HMCN2: variants seen among roughly 807,000 people sequenced by gnomAD.
The protein encoded by HMCN2 is hemicentin 2.
HMCN2 carries 325 observed loss-of-function variants against 377.5 expected under a neutral mutation model. The observed-to-expected ratio is 0.86, with a 90% CI of 0.79 to 0.94. The LOEUF (loss-of-function observed/expected upper bound fraction) is 0.94, where lower values mean the gene tolerates loss of function less well. Among genes scored for constraint, HMCN2 ranks in the 40% least tolerant of loss-of-function variants. The pLI, the probability that HMCN2 is intolerant of heterozygous loss-of-function variation, is 0.00. For missense variants in HMCN2, 4,543 were observed against 4,725.3 expected, an observed-to-expected ratio of 0.96 and a Z score of 1.13; for synonymous variants, 2,007 against 2,046.8, an observed-to-expected ratio of 0.98 and a Z score of 0.53.
At chr9:130,279,520 G>T (rs1241386332) in intron 1 of HMCN2, among the ~76,000 whole-genome samples, 3 of 151,690 alleles carry the variant, frequency 2.0e-5, no homozygotes, top group African/African-American at 7.3e-5. Context: ...GCCCAGCTAA[G>T]TTTTGTGTTT....
At chr9:130,387,953 C>T (rs1470233854) in intron 61 of HMCN2, among the ~76,000 whole-genome samples, 1 of 152,222 alleles carries the variant, frequency 6.6e-6, no homozygotes, top group African/African-American at 2.4e-5. Context: ...GGGACTGACA[C>T]CAGGCTTGCT....
chr9:130,416,108 T>A lies in HMCN2; in HGVS notation c.12962-2664T>A, dbSNP rs4066011. Among the ~76,000 whole-genome samples, 448 of 74,974 alleles carry A rather than the reference T, an allele frequency of 6.0e-3. 4 individuals carry two copies. Among genetic ancestry groups the A allele is most frequent in the Middle Eastern group, 0.036 (4 of 112 alleles). The allele number at this position is 74,974 out of a possible 152,430, so 49.2% of individuals were successfully genotyped here. A position where few individuals can be genotyped will look rare whatever the true frequency, so the allele number is the denominator to read the frequency against. Reference sequence around the variant, plus strand: ...AAAGTTCTAGAGGCTTTATTTTTTTTTTTTTTTTTTTTTGGAGACAGAGTC... The same window carrying A: ...AAAGTTCTAGAGGCTTTATTTTTTTATTTTTTTTTTTTTGGAGACAGAGTC... On this transcript the variant is annotated intron_variant, in intron 85 of 97. Transcript: ENST00000683500.
intron 45 of HMCN2, 140 bp from the exon 46 acceptor site, chr9:130,370,824 G>A (rs1840981629): frequency 1.0e-5 from 4 of 390,998 alleles, no homozygotes; most frequent in Non-Finnish European, 1.4e-5. Context: ...TTTAGGGGGA[G>A]CAGCTCTGCT....
intron 34 of HMCN2, 100 bp from the exon 35 acceptor site, chr9:130,357,734 A>T (rs2131550719): frequency 6.5e-6 from 6 of 926,138 alleles, no homozygotes; most frequent in Non-Finnish European, 8.8e-6. Context: ...CAGCCCTTCA[A>T]GGGCACCTTC....
At chr9:130,400,066 C>T (rs753695424) in intron 76 of HMCN2, among the ~76,000 whole-genome samples, 6 of 152,290 alleles carry the variant, frequency 3.9e-5, no homozygotes, top group Non-Finnish European at 7.3e-5. Flanking sequence ...TTTCTTGCCT[C>T]AAGGGGTTTG....
intron 22 of HMCN2, among the ~76,000 whole-genome samples, chr9:130,331,613 C>T (rs1364308413): frequency 1.3e-5 from 2 of 152,138 alleles, no homozygotes; most frequent in Admixed American, 6.5e-5. Flanking sequence ...TTCCCCTCTC[C>T]CCTCCCTGGG....
chr9:130,373,847 G>A (rs924917183), intron 48 of HMCN2, among the ~76,000 whole-genome samples: 10 of 150,578 alleles, frequency 6.6e-5, no homozygotes, highest in Non-Finnish European at 1.2e-4. Flanking sequence ...ATGAATGAGG[G>A]TTGGATGGAT....
At chr9:130,301,188 T>TG (rs1554934298) in intron 8 of HMCN2, among the ~76,000 whole-genome samples, 11 of 152,218 alleles carry the variant, frequency 7.2e-5, no homozygotes, top group African/African-American at 2.7e-4. Flanking sequence ...GCTGGAGACC[T>TG]CTTCTTTCCA....
At chr9:130,378,202 T>G (rs1056091997) in intron 53 of HMCN2, among the ~76,000 whole-genome samples, 40 of 151,572 alleles carry the variant, frequency 2.6e-4, no homozygotes, top group African/African-American at 9.7e-4. Flanking sequence ...GCTCATTATA[T>G]TCTTCTCTTG....
chr9:130,410,514 T>C, intron 84 of HMCN2, 57 bp from the exon 85 acceptor site: 3 of 1,503,372 alleles, frequency 2.0e-6, no homozygotes, highest in Non-Finnish European at 2.7e-6. Flanking sequence ...CCCAACTGTC[T>C]GAGCCACTCA....
rs1413454514 is a variant in HMCN2 at position 130,395,202 on chromosome 9, C to T, written c.10775-9C>T. Reference sequence around the variant, plus strand: ...CCTCTCATATCCTCTTGTGCCACCCCCTTCCCAGCCCCTCCAAACATTGTT... The same window carrying T: ...CCTCTCATATCCTCTTGTGCCACCCTCTTCCCAGCCCCTCCAAACATTGTT... On this transcript the variant is annotated splice_polypyrimidine_tract_variant and intron_variant, in intron 70 of 97. Transcript: ENST00000683500. 32 of 1,287,366 alleles carry T rather than the reference C, an allele frequency of 2.5e-5. No homozygotes were observed. The East Asian group carries it at 7.2e-4, about 29-fold the overall frequency. The allele number at this position is 1,287,366 out of a possible 1,614,324, so 79.7% of individuals were successfully genotyped here.
In HMCN2 at chr9:130,368,341, C is replaced by T; in HGVS notation, c.6691C>T (p.Leu2231=). ...GTCGGCTGTGGGGAGGCTGTTGTAC[C>T]TGGGACAGGCCCAGCTGGCTCAGGA... ...HVSAVGRLLY[L]GQAQLAQEGT... Residue 2231 remains leucine (L), a synonymous_variant, in exon 44 of 98, where the codon CTG becomes TTG. Transcript: ENST00000683500. 2 of 985,780 alleles carry T rather than the reference C, an allele frequency of 2.0e-6. No homozygotes were observed. The highest frequency in any genetic ancestry group is 2.4e-6 in the Non-Finnish European group (2 of 829,950). The allele number at this position is 985,780 out of a possible 1,614,324, so 61.1% of individuals were successfully genotyped here. A position where few individuals can be genotyped will look rare whatever the true frequency, so the allele number is the denominator to read the frequency against.
intron 15 of HMCN2, among the ~76,000 whole-genome samples, chr9:130,315,689 G>C (rs1362816984): frequency 1.3e-5 from 2 of 151,964 alleles, no homozygotes; most frequent in East Asian, 3.9e-4. Context: ...TTAAACAGTA[G>C]ACACTCCTCA....
intron 25 of HMCN2, among the ~76,000 whole-genome samples, chr9:130,346,208 G>A (rs961410123): frequency 1.9e-3 from 292 of 152,244 alleles, no homozygotes; most frequent in Admixed American, 5.5e-3. Context: ...GGCAGCAGCA[G>A]AGTGTGTGCC....
intron 22 of HMCN2, among the ~76,000 whole-genome samples, chr9:130,334,958 T>C (rs1468158897): frequency 6.6e-6 from 1 of 151,958 alleles, no homozygotes; most frequent in African/African-American, 2.4e-5. Flanking sequence ...CAACTCAGCC[T>C]CTCAATTAGC....
At chr9:130,433,171 T>C in intron 97 of HMCN2, 177 bp from the exon 98 acceptor site, 1 of 515,126 alleles carries the variant, frequency 1.9e-6, no homozygotes, top group South Asian at 3.2e-5. Context: ...TTTGTTGAAC[T>C]CTAAAACGGG....
At position 130,265,845 on chromosome 9, in the gene HMCN2, C is replaced by T. The variant is rs896402402; in HGVS notation, c.-34C>T. On this transcript the variant is annotated 5_prime_UTR_variant, in exon 1 of 98. Coordinates refer to ENST00000683500, the MANE Select transcript of HMCN2 (RefSeq NM_001291815.2). ...GCCGGCTAGCTCCGACCTGCGCCTC[C>T]ACCGCAGCACCCGCAGCCAGAGCCG... The T allele has an allele frequency of 3.1e-6, 1 of 324,906 alleles. No homozygotes were observed. Among genetic ancestry groups the T allele is most frequent in the Non-Finnish European group, 5.9e-6 (1 of 169,326 alleles). 20.1% of individuals were successfully genotyped at this position (324,906 alleles called of 1,614,324 possible).
rs576171339 is a variant in HMCN2, at chr9:130,404,965, A to G, written c.12245A>G (p.Asn4082Ser). 5.4e-6 allele frequency: 7 copies of G among 1,289,496 alleles called. No homozygotes were observed. The highest frequency in any genetic ancestry group is 2.3e-5 in the Admixed American group (1 of 43,524). 79.9% of individuals were successfully genotyped at this position (1,289,496 alleles called of 1,614,324 possible). The change falls in exon 81 of 98, where the codon AAC becomes AGC. Residue 4082 changes from asparagine to serine, a missense_variant. Asn to Ser is a conservative substitution (Grantham distance 46). This residue lies in a region of HMCN2 where 1,073 missense variants were observed against 1,319.5 expected (regional missense o/e 0.81). Coordinates refer to ENST00000683500, the MANE Select transcript of HMCN2 (RefSeq NM_001291815.2). ...PCKARGSPEPNITWDKDGQPV... is the reference protein window; with the variant it reads ...PCKARGSPEPSITWDKDGQPV... ...AAGGCGAGGGGCAGTCCTGAGCCCAACATCACCTGGGACAAAGATGGCCAG... is the reference window on the plus strand; with the variant it reads ...AAGGCGAGGGGCAGTCCTGAGCCCAGCATCACCTGGGACAAAGATGGCCAG...
intron 4 of HMCN2, among the ~76,000 whole-genome samples, chr9:130,286,595 G>C (rs1554927873): frequency 2.0e-5 from 3 of 152,238 alleles, no homozygotes; most frequent in Non-Finnish European, 4.4e-5. Context: ...GCTGAGGCTT[G>C]ACGCAGCCCC....
Sources: gnomAD v4.1 joint callset for allele counts (sites outside exome capture counted in the v4.1 genomes callset) on GRCh38, gnomAD v4.1.1 for gene constraint, gnomAD v4.1.1 regional missense constraint, MANE v1.5 for transcripts, NCBI Gene and HGNC (gene_info 2026-07-23, HGNC 2026-07-21) for gene names.